DENND2B: variants seen among roughly 807,000 people sequenced by gnomAD.
The protein encoded by DENND2B is DENN domain containing 2B, also known as DENN domain-containing protein 2B.
In DENND2B, 32 loss-of-function variants were observed where a neutral mutation model predicts 116.0. The ratio of observed to expected loss-of-function variants is 0.28; its 90% CI spans 0.21 to 0.37. DENND2B has a LOEUF of 0.37. Among genes scored for constraint, DENND2B ranks in the 10% least tolerant of loss-of-function variants. DENND2B has a pLI of 1.00. For synonymous variants in DENND2B, 588 were observed against 583.9 expected (o/e 1.01, Z -0.10); for missense variants, 1,276 against 1,477.7 (o/e 0.86, Z 2.24).
rs117899564 is a variant in DENND2B, at chr11:8,728,189, A to C, written c.1340+1761T>G. On this transcript the variant is annotated intron_variant, in intron 3 of 19. Transcript: ENST00000313726. ...AGCTAATTTTTTAAATTTTTTGTAG[A>C]GATGAGGTCTCATTATGTTGCCCAG... 8.0e-3 allele frequency among the ~76,000 whole-genome samples: 1,212 copies of C among 152,196 alleles called. 5 individuals carry two copies. Among genetic ancestry groups the C allele is most frequent in the East Asian group, 0.041 (210 of 5,180 alleles).
Position 8,841,077 on chromosome 11 carries a change from G to A in DENND2B, c.-155-1727C>T, listed in dbSNP as rs140136260. ...AACTGACAAATATCAAGAAACTTAC[G>A]CTGTCATTTTCCATGATTCAAACAT... is the stretch of plus-strand genomic sequence containing the variant. On this transcript the variant is annotated intron_variant, in intron 3 of 6. Coordinates refer to the DENND2B transcript ENST00000524757. Among the ~76,000 whole-genome samples the A allele has an allele frequency of 8.7e-3, 1,326 of 152,142 alleles. 11 individuals are homozygous for A. The highest frequency in any genetic ancestry group is 0.013 in the Non-Finnish European group (899 of 67,996).
chr11:8,798,831 T>TC (rs1451353947), intron 1 of DENND2B, among the ~76,000 whole-genome samples: 1 of 150,218 alleles, frequency 6.7e-6, no homozygotes, highest in Non-Finnish European at 1.5e-5. Flanking sequence ...CCGGTTGCTT[T>TC]TTTTTTTTTT....
At chr11:8,833,052 A>G (rs1235510794) in intron 4 of DENND2B, among the ~76,000 whole-genome samples, 2 of 152,210 alleles carry the variant, frequency 1.3e-5, no homozygotes, top group African/African-American at 4.8e-5. Flanking sequence ...TTTCTAACAC[A>G]TCTTGAGGGA....
Position 8,702,776 on chromosome 11 carries a change from T to C in DENND2B, c.2572-56A>G. 9 of 1,580,236 alleles carry C rather than the reference T, an allele frequency of 5.7e-6. No homozygotes were observed. Among genetic ancestry groups the C allele is most frequent in the Non-Finnish European group, 7.7e-6 (9 of 1,166,750 alleles). On this transcript the variant is annotated intron_variant, in intron 13 of 19. Coordinates refer to ENST00000313726, the MANE Select transcript of DENND2B (RefSeq NM_213618.2). This position sits in a 1 kb window ranked among gnomAD's most constrained non-coding sequence, Gnocchi z 4.6. ...GGCCAGCCAAGTGGGTGCTGCCCTC[T>C]GGCCCTCCACGAAGCAACTGGAGCT...
At chr11:8,886,382 A>C (rs1398243630) in intron 1 of DENND2B, among the ~76,000 whole-genome samples, 5 of 152,176 alleles carry the variant, frequency 3.3e-5, no homozygotes, top group African/African-American at 1.2e-4. Context: ...CTAAAGTGTT[A>C]GAATAAAGTA....
chr11:8,810,806 G>GTCTCTCACTGTCTC (rs1555203545), upstream of DENND2B: 1 of 140,236 alleles, frequency 7.1e-6, no homozygotes, highest in African/African-American at 2.8e-5. Flanking sequence ...CTTTCTCACT[G>GTCTCTCACTGTCTC]TCTCTCTCTC....
chr11:8,711,217 G>T lies in DENND2B; in HGVS notation c.2187C>A (p.Thr729=), dbSNP rs2133796078. ...TTTCCTCTGCCTCTCGCATCTGCTT[G>T]GTGGGTCGGTCCAGCTGCAGGGAAG... The part of the protein sequence containing the change: ...SYQFPKLDRP[T]KQMREAEERL... The change falls in exon 10 of 20, where the codon ACC becomes ACA. Residue 729 remains threonine (T), a synonymous_variant. Transcript: ENST00000313726. The T allele has an allele frequency of 1.9e-6, 3 of 1,613,872 alleles. No individual in the cohort carries two copies. The South Asian group carries it at 3.3e-5, about 18-fold the overall frequency.
intron 4 of DENND2B, among the ~76,000 whole-genome samples, chr11:8,818,319 G>A (rs1278916495): frequency 1.3e-5 from 2 of 151,680 alleles, no homozygotes; most frequent in Non-Finnish European, 2.9e-5. Flanking sequence ...AGAACTCTGA[G>A]TTCAACAATG....
At chr11:8,890,884 C>G (rs1216064817) in intron 1 of DENND2B, among the ~76,000 whole-genome samples, 13 of 152,096 alleles carry the variant, frequency 8.5e-5, no homozygotes, top group Non-Finnish European at 2.9e-5. Flanking sequence ...TCAGGAAATA[C>G]AGAGAACACC....
Position 8,695,527 on chromosome 11 carries a change from C to T in DENND2B, c.3315G>A (p.Glu1105=), listed in dbSNP as rs1191078029. ...RAKGLFEQRV[E]QYLEELPDTE... ...TGTCTGGGAGTTCTTCTAAGTACTG[C>T]TCCACTCGCTGCTCAAAAAGGCCTG... is the stretch of plus-strand genomic sequence containing the variant. Residue 1105 remains glutamate (E), a synonymous_variant, in exon 19 of 20, where the codon GAG becomes GAA. Coordinates refer to ENST00000313726, the MANE Select transcript of DENND2B (RefSeq NM_213618.2). The T allele has an allele frequency of 6.2e-7, 1 of 1,613,940 alleles. No individual in the cohort carries two copies. Among genetic ancestry groups the T allele is most frequent in the Non-Finnish European group, 8.5e-7 (1 of 1,180,026 alleles).
intron 1 of DENND2B, chr11:8,910,044 C>T (rs2064295895): frequency 6.6e-6 from 1 of 151,982 alleles, no homozygotes; most frequent in Admixed American, 6.6e-5. Context: ...AGTAAGCATT[C>T]ACAGTTCCTT....
intron 1 of DENND2B, among the ~76,000 whole-genome samples, chr11:8,791,357 C>T (rs774570010): frequency 6.6e-6 from 1 of 152,066 alleles, no homozygotes; most frequent in African/African-American, 2.4e-5. Flanking sequence ...CTGGTTGTAT[C>T]GTATATAGGA....
At position 8,712,083 on chromosome 11, in the gene DENND2B, G is replaced by C. The variant is rs900932968; in HGVS notation, c.2172+468C>G. The C allele has an allele frequency of 4.7e-6, 2 of 428,848 alleles. No individual in the cohort carries two copies. The highest frequency in any genetic ancestry group is 9.5e-6 in the Non-Finnish European group (2 of 210,410). 26.6% of individuals were successfully genotyped at this position (428,848 alleles called of 1,614,324 possible). On this transcript the variant is annotated intron_variant, in intron 9 of 19. Coordinates refer to ENST00000313726, the MANE Select transcript of DENND2B (RefSeq NM_213618.2). This position sits in a 1 kb window ranked among gnomAD's most constrained non-coding sequence, Gnocchi z 4.4. ...AGAGAGGGGTTGAGTGTGAGAGGAA[G>C]AAGAGGGAGGCCAGGCTGGCTGGCG...
chr11:8,865,545 G>A (rs1490880672), intron 2 of DENND2B, among the ~76,000 whole-genome samples: 1 of 151,940 alleles, frequency 6.6e-6, no homozygotes, highest in Non-Finnish European at 1.5e-5. Flanking sequence ...GGGTACAGAT[G>A]GGACAGTCTG....
At chr11:8,801,994 GGAAAAAAAA>G (rs1390307008) in intron 1 of DENND2B, among the ~76,000 whole-genome samples, 1 of 121,118 alleles carries the variant, frequency 8.3e-6, no homozygotes, top group African/African-American at 3.2e-5. Context: ...CCTCTCTTGG[GGAAAAAAAA>G]AAAAAAAAAA....
chr11:8,731,717 C>T (rs529219464), intron 2 of DENND2B, among the ~76,000 whole-genome samples: 34 of 152,278 alleles, frequency 2.2e-4, no homozygotes, highest in African/African-American at 8.2e-4. Flanking sequence ...CCAAAAACCC[C>T]AAAACCAAAC....
Position 8,708,138 on chromosome 11 carries a change from G to C in DENND2B, c.2353-284C>G, listed in dbSNP as rs964500178. On this transcript the variant is annotated intron_variant, in intron 11 of 19. Coordinates refer to ENST00000313726, the MANE Select transcript of DENND2B (RefSeq NM_213618.2). ...TCCCAGGAGGACGCTGACGGGGGCTGGCAAAGGGCAAAGCAGTTTGGCAGA... is the reference window on the plus strand; with the variant it reads ...TCCCAGGAGGACGCTGACGGGGGCTCGCAAAGGGCAAAGCAGTTTGGCAGA... 8.2e-6 allele frequency: 11 copies of C among 1,346,624 alleles called. No individual in the cohort carries two copies. The East Asian group carries it at 3.6e-4, about 44-fold the overall frequency. The allele number at this position is 1,346,624 out of a possible 1,614,324, so 83.4% of individuals were successfully genotyped here. A position where few individuals can be genotyped will look rare whatever the true frequency, so the allele number is the denominator to read the frequency against.
At chr11:8,900,678 T>G (rs1283183262) in intron 1 of DENND2B, among the ~76,000 whole-genome samples, 1 of 151,178 alleles carries the variant, frequency 6.6e-6, no homozygotes, top group South Asian at 2.1e-4. Context: ...TAAAAAATTT[T>G]TTTAAAGGCC....
chr11:8,780,584 T>C (rs991453166), intron 1 of DENND2B, among the ~76,000 whole-genome samples: 3 of 152,130 alleles, frequency 2.0e-5, no homozygotes, highest in African/African-American at 7.2e-5. Flanking sequence ...GGGAGTTTAA[T>C]TGAAAGTAGA....
Sources: allele counts gnomAD v4.1 joint callset (sites outside exome capture counted in the v4.1 genomes callset), GRCh38; gene constraint gnomAD v4.1.1; non-coding constraint Gnocchi (gnomAD v3.1); transcripts MANE v1.5; gene names NCBI Gene and HGNC (gene_info 2026-07-23, HGNC 2026-07-21).